GLIS3: variants seen among roughly 807,000 people sequenced by gnomAD.
GLIS3 encodes the protein zinc finger protein GLIS3.
Under a neutral mutation model 78.6 loss-of-function variants are expected in GLIS3, and 53 were observed. The ratio of observed to expected loss-of-function variants is 0.67; its 90% CI spans 0.54 to 0.85. The LOEUF is 0.85. GLIS3 is among the 40% of genes least tolerant of loss of function. GLIS3 has a pLI of 0.00. For synonymous variants in GLIS3, 684 were observed against 509.9 expected (o/e 1.34, Z -4.60); for missense variants, 1,703 against 1,231.1 (o/e 1.38, Z -5.74).
At chr9:4,343,623 T>A (rs919105847) in intron 2 of GLIS3, among the ~76,000 whole-genome samples, 1 of 152,142 alleles carries the variant, frequency 6.6e-6, no homozygotes, top group African/African-American at 2.4e-5. Flanking sequence ...TGTATGCTTA[T>A]CACAGCACTA....
chr9:4,019,937 T>G (rs1360836484), intron 4 of GLIS3, among the ~76,000 whole-genome samples: 9 of 152,070 alleles, frequency 5.9e-5, no homozygotes, highest in Non-Finnish European at 1.5e-5. Context: ...TAAATTTTTT[T>G]TGTAGAGACG....
chr9:4,386,552 A>C, the GLIS3 span: 1 of 152,204 alleles, frequency 6.6e-6, no homozygotes, highest in Non-Finnish European at 1.5e-5. Context: ...AGAATTGGAC[A>C]ACACACACAA....
At chr9:4,124,029 G>A (rs1338255760) in intron 3 of GLIS3, among the ~76,000 whole-genome samples, 1 of 152,052 alleles carries the variant, frequency 6.6e-6, no homozygotes, top group Non-Finnish European at 1.5e-5. Context: ...CCAGTAAAAT[G>A]TTGAACTTTG....
intron 2 of GLIS3, among the ~76,000 whole-genome samples, chr9:4,279,051 C>G (rs1427283162): frequency 6.6e-6 from 1 of 152,028 alleles, no homozygotes; most frequent in East Asian, 1.9e-4. Flanking sequence ...CCTGTAATCC[C>G]AGCACTTTGG....
intron 2 of GLIS3, among the ~76,000 whole-genome samples, chr9:4,345,591 C>G (rs575859884): frequency 3.3e-5 from 5 of 152,262 alleles, no homozygotes; most frequent in African/African-American, 1.2e-4. Context: ...ATGTATCTTA[C>G]CAGTTGCTCT....
At chr9:3,835,844 C>T (rs760312250) in intron 9 of GLIS3, among the ~76,000 whole-genome samples, 7 of 152,206 alleles carry the variant, frequency 4.6e-5, no homozygotes, top group Non-Finnish European at 8.8e-5. Context: ...TCACTAAGCA[C>T]TTATTCAAGT....
chr9:4,181,204 T>C (rs959051862), intron 2 of GLIS3, among the ~76,000 whole-genome samples: 49 of 152,192 alleles, frequency 3.2e-4, no homozygotes, highest in Admixed American at 3.2e-3. Context: ...TCCTTTAAAG[T>C]TCCATAGGTA....
At chr9:4,138,625 T>TG (rs1429328049) in intron 2 of GLIS3, among the ~76,000 whole-genome samples, 1 of 152,132 alleles carries the variant, frequency 6.6e-6, no homozygotes, top group African/African-American at 2.4e-5. Context: ...CCGTAAAGAA[T>TG]GAGACACTAG....
chr9:4,034,656 G>C (rs1448495483), intron 4 of GLIS3: 1 of 152,190 alleles, frequency 6.6e-6, no homozygotes, highest in African/African-American at 2.4e-5. Flanking sequence ...TCAAGAAATT[G>C]TTTGGGGAGC....
At chr9:4,016,952 G>C (rs1039119378) in intron 4 of GLIS3, among the ~76,000 whole-genome samples, 15 of 152,132 alleles carry the variant, frequency 9.9e-5, no homozygotes, top group African/African-American at 3.6e-4. Flanking sequence ...TCTGACACCC[G>C]ATCCACAAGC....
At chr9:4,486,245 C>G in the GLIS3 span, among the ~76,000 whole-genome samples, 6 of 152,132 alleles carry the variant, frequency 3.9e-5, no homozygotes, top group South Asian at 1.2e-3. Flanking sequence ...GTCTCTCTGA[C>G]TTCCCCTGCC....
chr9:4,367,675 G>C, the GLIS3 span, among the ~76,000 whole-genome samples: 14 of 141,006 alleles, frequency 9.9e-5, no homozygotes, highest in Non-Finnish European at 1.8e-4. Flanking sequence ...TATGTGAGCA[G>C]ATACTCTGTC....
At chr9:4,490,225 G>T in the GLIS3 span, among the ~76,000 whole-genome samples, 29 of 152,372 alleles carry the variant, frequency 1.9e-4, no homozygotes, top group South Asian at 1.4e-3. Flanking sequence ...TGAGTGAGGC[G>T]TGGAAAGCGA....
intron 4 of GLIS3, among the ~76,000 whole-genome samples, chr9:4,026,689 C>G (rs188008394): frequency 6.6e-6 from 1 of 152,176 alleles, no homozygotes; most frequent in Admixed American, 6.5e-5. Flanking sequence ...TTTGACATCT[C>G]TTTTCTTTAA....
At chr9:3,932,755 A>T in intron 5 of GLIS3, 1 of 429,826 alleles carries the variant, frequency 2.3e-6, no homozygotes. Context: ...GGCATTTTTT[A>T]ATGTGGAAAT....
intron 9 of GLIS3, among the ~76,000 whole-genome samples, chr9:3,840,120 C>T (rs1015179898): frequency 6.6e-6 from 1 of 152,078 alleles, no homozygotes; most frequent in Non-Finnish European, 1.5e-5. Flanking sequence ...TTATGTATAA[C>T]AGTGTTTATA....
chr9:4,045,498 G>A (rs1825173255), intron 4 of GLIS3, among the ~76,000 whole-genome samples: 1 of 148,090 alleles, frequency 6.8e-6, no homozygotes, highest in Admixed American at 6.7e-5. Context: ...ACCACACCTG[G>A]CTAATTTTTT....
rs751231636 is a variant in GLIS3, at chr9:4,117,914, C to G, written c.1564G>C (p.Glu522Gln). Reference sequence around the variant, plus strand: ...TTGCGCTGGTCGATGTGGACCTTCTCGATGTGCCGCACGAGCTCCTCCTGC... The same window carrying G: ...TTGCGCTGGTCGATGTGGACCTTCTGGATGTGCCGCACGAGCTCCTCCTGC... The part of the protein sequence containing the change: ...DQQEELVRHI[E>Q]KVHIDQRKGE... The change falls in exon 4 of 11, where the codon GAG becomes CAG. Residue 522 changes from glutamate (E) to glutamine (Q), a missense_variant. By Grantham distance (29) the Glu-to-Gln change is conservative (BLOSUM62 2). Transcript: ENST00000381971. 3 of 1,614,134 alleles carry G rather than the reference C, an allele frequency of 1.9e-6. No individual in the cohort carries two copies. In the Admixed American group the frequency reaches 5.0e-5, roughly 27 times the overall value.
At chr9:4,371,347 C>A in the GLIS3 span, among the ~76,000 whole-genome samples, 1 of 152,304 alleles carries the variant, frequency 6.6e-6, no homozygotes, top group East Asian at 1.9e-4. Context: ...CCCGAAGGCC[C>A]ACTCCACTTC....
Sources: allele counts gnomAD v4.1 joint callset (sites outside exome capture counted in the v4.1 genomes callset), GRCh38; gene constraint gnomAD v4.1.1; transcripts MANE v1.5; gene names NCBI Gene and HGNC (gene_info 2026-07-23, HGNC 2026-07-21).